The following ACBD6 variants were observed in gnomAD, a reference collection of about 807,000 sequenced individuals.
ACBD6 encodes acyl-CoA-binding domain-containing protein 6.
A neutral mutation model predicts 37.2 loss-of-function variants in ACBD6; 28 were observed. That is an observed-to-expected ratio of 0.75 (90% CI 0.56 to 1.03). The LOEUF (loss-of-function observed/expected upper bound fraction) is 1.03, where lower values mean the gene tolerates loss of function less well. ACBD6 is among the 50% of genes least tolerant of loss of function. ACBD6 has a pLI of 0.00. For synonymous variants in ACBD6, 113 were observed against 126.8 expected (o/e 0.89, Z 0.73); for missense variants, 340 against 337.4 (o/e 1.01, Z -0.06).
chr1:180,419,655 A>G (rs1648269334), intron 4 of ACBD6, among the ~76,000 whole-genome samples: 1 of 152,238 alleles, frequency 6.6e-6, no homozygotes, highest in Non-Finnish European at 1.5e-5. Context: ...TTATCGATAA[A>G]CAGTTGATAA....
chr1:180,312,012 A>C (rs1454937235), intron 7 of ACBD6, among the ~76,000 whole-genome samples: 1 of 152,186 alleles, frequency 6.6e-6, no homozygotes, highest in Non-Finnish European at 1.5e-5. Context: ...TGATATTTGG[A>C]AGAACAAGTC....
At chr1:180,478,073 C>A (rs1323987938) in intron 3 of ACBD6, among the ~76,000 whole-genome samples, 1 of 151,862 alleles carries the variant, frequency 6.6e-6, no homozygotes, top group Non-Finnish European at 1.5e-5. Context: ...CCATATGATG[C>A]TTATTTTTCT....
intron 6 of ACBD6, among the ~76,000 whole-genome samples, chr1:180,341,875 TTTAA>T (rs1012621001): frequency 6.6e-6 from 1 of 152,150 alleles, no homozygotes; most frequent in Non-Finnish European, 1.5e-5. Context: ...TCTTCAGTGA[TTTAA>T]TTATTACTTA....
intron 3 of ACBD6, among the ~76,000 whole-genome samples, chr1:180,483,293 C>T (rs1651128297): frequency 6.6e-6 from 1 of 152,156 alleles, no homozygotes; most frequent in Non-Finnish European, 1.5e-5. Context: ...TGAGCCTCTC[C>T]TGACCATCTT....
intron 3 of ACBD6, among the ~76,000 whole-genome samples, chr1:180,451,279 G>A (rs1462297074): frequency 6.6e-6 from 1 of 152,148 alleles, no homozygotes; most frequent in African/African-American, 2.4e-5. Flanking sequence ...ACTGTTGACA[G>A]GACTATAAAA....
chr1:180,432,909 A>G (rs1648867164), intron 3 of ACBD6, among the ~76,000 whole-genome samples: 1 of 151,790 alleles, frequency 6.6e-6, no homozygotes, highest in Non-Finnish European at 1.5e-5. Flanking sequence ...TGAATCAGTA[A>G]TAAAAAAAAA....
At chr1:180,341,947 T>G (rs771704836) in intron 6 of ACBD6, among the ~76,000 whole-genome samples, 19 of 152,098 alleles carry the variant, frequency 1.2e-4, no homozygotes, top group Non-Finnish European at 2.6e-4. Flanking sequence ...TATAAGTAGC[T>G]CTTTACAATT....
chr1:180,347,360 GTT>G (rs775301259), intron 6 of ACBD6, among the ~76,000 whole-genome samples: 25 of 49,084 alleles, frequency 5.1e-4, no homozygotes, highest in African/African-American at 1.0e-3. Context: ...TCAACAGAAA[GTT>G]TTTTTTTTTT....
At position 180,304,548 on chromosome 1, in the gene ACBD6, G is replaced by A. The variant is rs547113026; in HGVS notation, c.694+10144C>T. On this transcript the variant is annotated intron_variant, in intron 7 of 7. Coordinates refer to ENST00000367595, the MANE Select transcript of ACBD6 (RefSeq NM_032360.4). ...ATACCTAGGAATCCAACTTACAAGG[G>A]ATGTGAAGGACCTCTTCAAGGAGAA... 1.4e-3 allele frequency among the ~76,000 whole-genome samples: 212 copies of A among 150,666 alleles called. 6 individuals are homozygous for A. Among genetic ancestry groups the A allele is most frequent in the Non-Finnish European group, 2.4e-3 (160 of 67,352 alleles).
At chr1:180,271,127 G>C (rs1032987251) in exon 14 of ACBD6, 30 of 560,156 alleles carry the variant, frequency 5.4e-5, no homozygotes, top group African/African-American at 3.8e-4. Flanking sequence ...GGGCTGGCAG[G>C]GGAGGGTTGA....
intron 6 of ACBD6, among the ~76,000 whole-genome samples, chr1:180,363,746 T>C (rs1249922229): frequency 1.3e-5 from 2 of 152,106 alleles, no homozygotes; most frequent in South Asian, 2.1e-4. Flanking sequence ...ACATTAAACT[T>C]CACATGTGTC....
chr1:180,427,048 A>G lies in ACBD6; in HGVS notation c.467+3132T>C, dbSNP rs574717077. Reference sequence around the variant, plus strand: ...CACAGAGATCTGAACCTCTGACATTATATTGATACTTTCTATGACAGAGTA... The same window carrying G: ...CACAGAGATCTGAACCTCTGACATTGTATTGATACTTTCTATGACAGAGTA... On this transcript the variant is annotated intron_variant, in intron 4 of 7. Transcript: ENST00000367595. Among the ~76,000 whole-genome samples, 4 of 152,352 alleles carry G rather than the reference A, an allele frequency of 2.6e-5. No individual in the cohort carries two copies. The East Asian group carries it at 7.7e-4, about 29-fold the overall frequency.
At chr1:180,293,183 T>C (rs532574079) in intron 7 of ACBD6, among the ~76,000 whole-genome samples, 7 of 152,336 alleles carry the variant, frequency 4.6e-5, no homozygotes, top group Non-Finnish European at 5.9e-5. Context: ...GTTGTTTTCT[T>C]TTCCTCTAAG....
chr1:180,465,329 A>AC (rs904806794), intron 3 of ACBD6, among the ~76,000 whole-genome samples: 1 of 152,100 alleles, frequency 6.6e-6, no homozygotes, highest in African/African-American at 2.4e-5. Flanking sequence ...GCGAAAAACC[A>AC]CCCCATTAAA....
chr1:180,345,358 A>T (rs1652139935), intron 6 of ACBD6, among the ~76,000 whole-genome samples: 1 of 152,186 alleles, frequency 6.6e-6, no homozygotes, highest in Non-Finnish European at 1.5e-5. Context: ...AGGCCCACAA[A>T]ACAGTTCCTC....
chr1:180,269,715 C>T (rs983231105), exon 14 of ACBD6: 4 of 152,206 alleles, frequency 2.6e-5, no homozygotes, highest in Non-Finnish European at 4.4e-5. Flanking sequence ...TGCACTATTT[C>T]CCATTTGCAT....
chr1:180,420,235 C>T (rs1244317445), intron 4 of ACBD6, among the ~76,000 whole-genome samples: 1 of 152,138 alleles, frequency 6.6e-6, no homozygotes, highest in African/African-American at 2.4e-5. Flanking sequence ...AACTCTCTGC[C>T]CCGCCCTGCC....
chr1:180,291,497 C>G (rs1247005132), intron 7 of ACBD6, among the ~76,000 whole-genome samples: 1 of 152,068 alleles, frequency 6.6e-6, no homozygotes, highest in Admixed American at 6.6e-5. Flanking sequence ...GCTTATCTGC[C>G]AACTATCTAT....
chr1:180,393,241 A>G (rs1412696899), intron 6 of ACBD6, among the ~76,000 whole-genome samples: 1 of 152,250 alleles, frequency 6.6e-6, no homozygotes, highest in Non-Finnish European at 1.5e-5. Context: ...AAATCTATAC[A>G]GCATCTTTCT....
Sources: allele counts gnomAD v4.1 joint callset (sites outside exome capture counted in the v4.1 genomes callset), GRCh38; gene constraint gnomAD v4.1.1; transcripts MANE v1.5; gene names NCBI Gene and HGNC (gene_info 2026-07-23, HGNC 2026-07-21).